The following PRR16 variants were observed in gnomAD, a reference collection of about 807,000 sequenced individuals.
The protein encoded by PRR16 is proline rich 16.
A neutral mutation model predicts 18.2 loss-of-function variants in PRR16; 6 were observed. That is an observed-to-expected ratio of 0.33 (90% CI 0.18 to 0.65). The LOEUF is 0.65. Among genes scored for constraint, PRR16 ranks in the 30% least tolerant of loss-of-function variants. The pLI is 0.74. For synonymous variants in PRR16, 151 were observed against 147.8 expected (o/e 1.02, Z -0.16); for missense variants, 412 against 376.6 (o/e 1.09, Z -0.78).
At chr5:120,508,135 C>A (rs1355341495) in intron 1 of PRR16, among the ~76,000 whole-genome samples, 1 of 152,064 alleles carries the variant, frequency 6.6e-6, no homozygotes, top group African/African-American at 2.4e-5. Flanking sequence ...GCTGCACATA[C>A]CTTTCCTCTT....
chr5:120,703,103 G>A, the PRR16 span, among the ~76,000 whole-genome samples: 1 of 152,078 alleles, frequency 6.6e-6, no homozygotes, highest in African/African-American at 2.4e-5. Flanking sequence ...ATAGGATTTG[G>A]GTCGGTAAAG....
chr5:120,542,405 C>T (rs1028276631), intron 1 of PRR16, among the ~76,000 whole-genome samples: 3 of 152,014 alleles, frequency 2.0e-5, no homozygotes, highest in Non-Finnish European at 4.4e-5. Flanking sequence ...CCTATATACT[C>T]TTCACCCTCT....
intron 1 of PRR16, among the ~76,000 whole-genome samples, chr5:120,664,265 C>T (rs1172865880): frequency 6.6e-6 from 1 of 151,804 alleles, no homozygotes; most frequent in Non-Finnish European, 1.5e-5. Context: ...CACCATTGCA[C>T]TCCAGCCTGG....
rs115917619 is a variant in PRR16, at chr5:120,561,416, T to A, written c.159+96771T>A. ...GTATTGTTTAATTTCTATGTCTTTG[T>A]TTTGTTGCCAACATTAATCTTTTTA... On this transcript the variant is annotated intron_variant, in intron 1 of 1. Coordinates refer to ENST00000407149, the MANE Select transcript of PRR16 (RefSeq NM_001300783.2). Among the ~76,000 whole-genome samples the A allele has an allele frequency of 5.5e-3, 835 of 152,290 alleles. 5 individuals are homozygous for A. The highest frequency in any genetic ancestry group is 0.019 in the African/African-American group (778 of 41,572).
At position 120,686,713 on chromosome 5, in the gene PRR16, A is replaced by G; in HGVS notation, c.*4A>G. On this transcript the variant is annotated 3_prime_UTR_variant, in exon 2 of 2. Transcript: ENST00000407149. ...GTCAACCACTACAACCGTGTGATGT[A>G]TGCCATTAAAAAAATTGTTTTTTTA... 1 of 1,462,512 alleles carries G rather than the reference A, an allele frequency of 6.8e-7. No homozygotes were observed. The highest frequency in any genetic ancestry group is 9.1e-7 in the Non-Finnish European group (1 of 1,103,396). The allele number at this position is 1,462,512 out of a possible 1,614,324, so 90.6% of individuals were successfully genotyped here.
chr5:120,483,840 C>A (rs146009515), intron 1 of PRR16, among the ~76,000 whole-genome samples: 7 of 152,112 alleles, frequency 4.6e-5, no homozygotes, highest in Non-Finnish European at 5.9e-5. Flanking sequence ...AAAGAAATAC[C>A]TACAGTTGGT....
At chr5:120,702,416 T>C in the PRR16 span, among the ~76,000 whole-genome samples, 1 of 149,714 alleles carries the variant, frequency 6.7e-6, no homozygotes, top group East Asian at 2.0e-4. Context: ...GGAGAAGGGG[T>C]TGAGGGGTAC....
chr5:120,728,878 T>C, the PRR16 span, among the ~76,000 whole-genome samples: 1 of 152,176 alleles, frequency 6.6e-6, no homozygotes, highest in African/African-American at 2.4e-5. Flanking sequence ...GCTATATGCA[T>C]TTTCAAAGTA....
the PRR16 span, among the ~76,000 whole-genome samples, chr5:120,793,018 G>A: frequency 6.7e-6 from 1 of 149,156 alleles, no homozygotes. Context: ...TGGCTACGGT[G>A]GTGGGTGCCT....
At chr5:120,506,558 C>T (rs1398380579) in intron 1 of PRR16, among the ~76,000 whole-genome samples, 1 of 151,976 alleles carries the variant, frequency 6.6e-6, no homozygotes, top group Non-Finnish European at 1.5e-5. Flanking sequence ...GGGTAAAAGC[C>T]ATTTTAACCA....
chr5:120,616,662 A>G (rs150310279), intron 1 of PRR16, among the ~76,000 whole-genome samples: 120 of 152,246 alleles, frequency 7.9e-4, no homozygotes, highest in African/African-American at 2.7e-3. Context: ...TCTCTTCCTG[A>G]TGACTGTCCT....
the PRR16 span, among the ~76,000 whole-genome samples, chr5:120,735,539 G>A: frequency 6.6e-6 from 1 of 152,032 alleles, no homozygotes; most frequent in Non-Finnish European, 1.5e-5. Context: ...GAGCTTATGT[G>A]GTTTTGATTT....
At chr5:120,721,315 G>T in the PRR16 span, among the ~76,000 whole-genome samples, 3 of 151,818 alleles carry the variant, frequency 2.0e-5, no homozygotes, top group Non-Finnish European at 4.4e-5. Flanking sequence ...ACATTATGGG[G>T]CATGTTGTAA....
chr5:120,683,947 A>G (rs1757046240), intron 1 of PRR16, among the ~76,000 whole-genome samples: 1 of 152,012 alleles, frequency 6.6e-6, no homozygotes, highest in African/African-American at 2.4e-5. Context: ...CAAAAAAGTC[A>G]TTGAGACTAC....
rs771728312 is a variant in PRR16, at chr5:120,686,720, TA to T, written c.*18del. On this transcript the variant is annotated 3_prime_UTR_variant, in exon 2 of 2. Transcript: ENST00000407149. Reference sequence around the variant, plus strand: ...ACTACAACCGTGTGATGTATGCCATTAAAAAAATTGTTTTTTTAATTTTCTA... The same window carrying T: ...ACTACAACCGTGTGATGTATGCCATTAAAAAATTGTTTTTTTAATTTTCTA... 2.5e-5 allele frequency: 36 copies of T among 1,447,436 alleles called. No homozygotes were observed. The African/African-American group carries it at 3.1e-4, about 13-fold the overall frequency. 89.7% of individuals were successfully genotyped at this position (1,447,436 alleles called of 1,614,324 possible). A position where few individuals can be genotyped will look rare whatever the true frequency, so the allele number is the denominator to read the frequency against.
the PRR16 span, among the ~76,000 whole-genome samples, chr5:120,756,534 C>G: frequency 6.6e-6 from 1 of 151,890 alleles, no homozygotes; most frequent in African/African-American, 2.4e-5. Context: ...ATTTGCATTT[C>G]TCTGATAATT....
the PRR16 span, among the ~76,000 whole-genome samples, chr5:120,736,064 T>G: frequency 2.2e-4 from 33 of 152,220 alleles, no homozygotes; most frequent in Non-Finnish European, 3.7e-4. Flanking sequence ...GAGAAATTAT[T>G]GAGGAGGCTA....
the PRR16 span, among the ~76,000 whole-genome samples, chr5:120,770,817 A>ATACTT: frequency 6.6e-6 from 1 of 151,958 alleles, no homozygotes; most frequent in Non-Finnish European, 1.5e-5. Context: ...ATTCTTACAA[A>ATACTT]TACTTTATAA....
intron 1 of PRR16, among the ~76,000 whole-genome samples, chr5:120,529,378 T>C (rs979444235): frequency 1.3e-5 from 2 of 152,172 alleles, no homozygotes; most frequent in East Asian, 3.8e-4. Context: ...CAATGGCTTA[T>C]TGACAACTCA....
Sources: gnomAD v4.1 joint callset for allele counts (sites outside exome capture counted in the v4.1 genomes callset) on GRCh38, gnomAD v4.1.1 for gene constraint, MANE v1.5 for transcripts, NCBI Gene and HGNC (gene_info 2026-07-23, HGNC 2026-07-21) for gene names.